Variants in TMEM74 observed in about 807,000 individuals in gnomAD.
The protein encoded by TMEM74 is transmembrane protein 74.
In TMEM74, 13 loss-of-function variants were observed where a neutral mutation model predicts 18.1. The ratio of observed to expected loss-of-function variants is 0.72; its 90% confidence interval spans 0.47 to 1.14. TMEM74 has a LOEUF of 1.14. TMEM74 is among the 50% of genes most tolerant of loss of function. The pLI is 0.00. For missense variants in TMEM74, 372 were observed against 375.9 expected (o/e 0.99, Z 0.09); for synonymous variants, 159 against 146.6 (o/e 1.08, Z -0.61).
intron 2 of TMEM74, among the ~76,000 whole-genome samples, chr8:108,617,095 A>G (rs889717012): frequency 2.0e-5 from 3 of 151,918 alleles, no homozygotes; most frequent in Non-Finnish European, 2.9e-5. Context: ...GTGATGTCAC[A>G]TGTCACCTGA....
downstream of TMEM74, among the ~76,000 whole-genome samples, chr8:108,776,894 A>G (rs967780555): frequency 6.6e-6 from 1 of 152,146 alleles, no homozygotes; most frequent in African/African-American, 2.4e-5. Flanking sequence ...ATCAGTAATC[A>G]TCTGACAATT....
In TMEM74 at chr8:108,660,031, C is replaced by T. The variant is rs554654887; in HGVS notation, n.120-4594G>A. On this transcript the variant is annotated intron_variant and non_coding_transcript_variant, in intron 1 of 3. Coordinates refer to the TMEM74 transcript ENST00000518838. ...CATCTTCTCCTTCCACCTAACCCCG[C>T]TTCCTCTGCCTTCCTTCTACAGAAT... 2.0e-5 allele frequency among the ~76,000 whole-genome samples: 3 copies of T among 152,310 alleles called. No individual in the cohort carries two copies. In the East Asian group the frequency reaches 5.8e-4, roughly 29 times the overall value.
chr8:108,681,193 G>C (rs911611543), intron 1 of TMEM74, among the ~76,000 whole-genome samples: 2 of 152,136 alleles, frequency 1.3e-5, no homozygotes, highest in Non-Finnish European at 2.9e-5. Context: ...AACCAAAAAA[G>C]AGCCCGCATC....
Position 108,756,656 on chromosome 8 carries a change from GAA to G in TMEM74, n.119+30818_119+30819del, listed in dbSNP as rs558380847. ...GAAGGAAGGAAGAAAGAAAGAGAAAGAAAGAAAGAAAGAAAGAAAGAAAGAAA... is the reference window on the plus strand; with the variant it reads ...GAAGGAAGGAAGAAAGAAAGAGAAAGAGAAAGAAAGAAAGAAAGAAAGAAA... On this transcript the variant is annotated intron_variant and non_coding_transcript_variant, in intron 1 of 3. Coordinates refer to the TMEM74 transcript ENST00000518838. Among the ~76,000 whole-genome samples, 246 of 63,372 alleles carry G rather than the reference GAA, an allele frequency of 3.9e-3. 4 individuals carry two copies. Among genetic ancestry groups the G allele is most frequent in the Middle Eastern group, 0.027 (3 of 110 alleles). 41.6% of individuals were successfully genotyped at this position (63,372 alleles called of 152,430 possible).
At chr8:108,633,925 A>G (rs1309474010) in intron 2 of TMEM74, among the ~76,000 whole-genome samples, 1 of 152,004 alleles carries the variant, frequency 6.6e-6, no homozygotes, top group Non-Finnish European at 1.5e-5. Flanking sequence ...AATGTTTGGT[A>G]TTTTATTTTA....
chr8:108,673,078 C>G (rs1813019604), intron 1 of TMEM74, among the ~76,000 whole-genome samples: 1 of 152,162 alleles, frequency 6.6e-6, no homozygotes, highest in Admixed American at 6.5e-5. Flanking sequence ...TTCTGAAGGA[C>G]ATAGATTCAA....
At chr8:108,654,534 T>G (rs1296534301) in intron 2 of TMEM74, among the ~76,000 whole-genome samples, 1 of 152,162 alleles carries the variant, frequency 6.6e-6, no homozygotes, top group Admixed American at 6.6e-5. Flanking sequence ...TTCTCCACCC[T>G]GACCCATGTC....
chr8:108,625,689 G>C (rs1182379784), intron 2 of TMEM74, among the ~76,000 whole-genome samples: 1 of 151,864 alleles, frequency 6.6e-6, no homozygotes, highest in Non-Finnish European at 1.5e-5. Flanking sequence ...TGCCTACACT[G>C]TTGCCCACTA....
chr8:108,708,052 A>G (rs1909030), intron 1 of TMEM74, among the ~76,000 whole-genome samples: 71,414 of 151,842 alleles, frequency 0.47, 17,955 homozygotes, highest in East Asian at 0.78. Flanking sequence ...TAAAGTAGGT[A>G]CTGTGTCTGT....
At chr8:108,652,305 G>A (rs762671299) in intron 2 of TMEM74, 25 of 161,402 alleles carry the variant, frequency 1.5e-4, no homozygotes, top group South Asian at 5.6e-4. Context: ...GTCCTGACAC[G>A]GAAAAATACT....
chr8:108,706,345 C>T (rs965930611), intron 1 of TMEM74, among the ~76,000 whole-genome samples: 1 of 152,130 alleles, frequency 6.6e-6, no homozygotes, highest in Non-Finnish European at 1.5e-5. Context: ...TGATTTTATA[C>T]CTATGACACA....
intron 1 of TMEM74, among the ~76,000 whole-genome samples, chr8:108,739,983 C>G (rs1157062913): frequency 6.6e-6 from 1 of 152,064 alleles, no homozygotes; most frequent in East Asian, 1.9e-4. Flanking sequence ...ATTGGTAATC[C>G]AACAGAGAAA....
intron 1 of TMEM74, among the ~76,000 whole-genome samples, chr8:108,758,564 G>A (rs1814004180): frequency 6.6e-6 from 1 of 152,032 alleles, no homozygotes; most frequent in African/African-American, 2.4e-5. Context: ...TTTTTAGTTG[G>A]ACAATATTAA....
At chr8:108,622,992 A>T (rs1186099212) in intron 2 of TMEM74, among the ~76,000 whole-genome samples, 1 of 152,032 alleles carries the variant, frequency 6.6e-6, no homozygotes, top group African/African-American at 2.4e-5. Flanking sequence ...GAAATCATAA[A>T]TTTTCTCAAA....
Position 108,783,595 on chromosome 8 carries a change from A to G in TMEM74, c.*586T>C, listed in dbSNP as rs1301872365. 1 of 152,188 alleles carries G rather than the reference A, an allele frequency of 6.6e-6. No homozygotes were observed. Among genetic ancestry groups the G allele is most frequent in the Non-Finnish European group, 1.5e-5 (1 of 68,032 alleles). The allele number at this position is 152,188 out of a possible 1,614,324, so 9.4% of individuals were successfully genotyped here. A position where few individuals can be genotyped will look rare whatever the true frequency, so the allele number is the denominator to read the frequency against. ...CTAATGACTTAATTACCATTTTTGA[A>G]AACAGGAATAATTTCAAACATAACA... On this transcript the variant is annotated 3_prime_UTR_variant, in exon 2 of 2. Transcript: ENST00000297459.
chr8:108,738,828 C>T (rs1198039358), intron 1 of TMEM74, among the ~76,000 whole-genome samples: 2 of 152,176 alleles, frequency 1.3e-5, no homozygotes, highest in African/African-American at 4.8e-5. Flanking sequence ...CAACTCCTGT[C>T]ATTAGGCACT....
chr8:108,701,935 C>T (rs981101048), intron 1 of TMEM74, among the ~76,000 whole-genome samples: 3 of 151,998 alleles, frequency 2.0e-5, no homozygotes, highest in African/African-American at 7.2e-5. Context: ...GTAAAAAAAT[C>T]CATAATAAAC....
At chr8:108,635,975 T>C (rs1812603120) in intron 2 of TMEM74, among the ~76,000 whole-genome samples, 1 of 152,034 alleles carries the variant, frequency 6.6e-6, no homozygotes, top group East Asian at 1.9e-4. Flanking sequence ...TTTACTACAA[T>C]TTGTTTTTAA....
intron 2 of TMEM74, among the ~76,000 whole-genome samples, chr8:108,614,818 T>C (rs1452873903): frequency 1.3e-5 from 2 of 152,150 alleles, no homozygotes; most frequent in African/African-American, 4.8e-5. Flanking sequence ...TGAATAAATA[T>C]ATGTCAAGTA....
Sources: gnomAD v4.1 joint callset for allele counts (sites outside exome capture counted in the v4.1 genomes callset) on GRCh38, gnomAD v4.1.1 for gene constraint, MANE v1.5 for transcripts, NCBI Gene and HGNC (gene_info 2026-07-23, HGNC 2026-07-21) for gene names.